The following SH3KBP1 variants were observed in gnomAD, a reference collection of about 807,000 sequenced individuals.
The protein encoded by SH3KBP1 is SH3 domain-containing kinase-binding protein 1.
Under a neutral mutation model 50.1 loss-of-function variants are expected in SH3KBP1, and 8 were observed. That is an observed-to-expected ratio of 0.16 (90% confidence interval 0.09 to 0.29). SH3KBP1 has a LOEUF of 0.29. SH3KBP1 is among the 10% of genes least tolerant of loss of function. The pLI is 1.00. For missense variants in SH3KBP1, 377 were observed against 535.2 expected (o/e 0.70, Z 2.92); for synonymous variants, 227 against 218.6 (o/e 1.04, Z -0.34).
At chrX:19,867,863 A>G (rs941029492) in intron 1 of SH3KBP1, among the ~76,000 whole-genome samples, 1 of 111,804 alleles carries the variant, frequency 8.9e-6, no homozygotes, top group African/African-American at 3.3e-5. Context: ...GATGAAAGAA[A>G]AAAAAATTGA....
At chrX:19,589,634 C>T (rs957147796) in intron 11 of SH3KBP1, among the ~76,000 whole-genome samples, 2 of 110,599 alleles carry the variant, frequency 1.8e-5, no homozygotes, top group Non-Finnish European at 3.8e-5. Context: ...ACTAGCCTTG[C>T]TCCGTGTGTG....
chrX:19,586,226 T>C (rs1602567052), intron 12 of SH3KBP1, among the ~76,000 whole-genome samples: 1 of 111,956 alleles, frequency 8.9e-6, no homozygotes, highest in African/African-American at 3.2e-5. Context: ...AGCCTGTACC[T>C]ATCCTATAAC....
At chrX:19,640,771 G>A (rs757835360) in intron 7 of SH3KBP1, among the ~76,000 whole-genome samples, 45 of 111,684 alleles carry the variant, frequency 4.0e-4, no homozygotes, top group Middle Eastern at 4.6e-3. Flanking sequence ...TTTCTGCGGG[G>A]CAGATGGAAA....
intron 6 of SH3KBP1, among the ~76,000 whole-genome samples, chrX:19,663,043 T>C (rs2062501741): frequency 9.0e-6 from 1 of 111,417 alleles, no homozygotes. Context: ...TTGTAAGTTA[T>C]CTTTTAAGAT....
In SH3KBP1 at chrX:19,672,512, T is replaced by C. The variant is rs757366314; in HGVS notation, c.726+11311A>G. On this transcript the variant is annotated intron_variant, in intron 6 of 17. Transcript: ENST00000397821. ...TGATGTAATGAGAGCACTTCACCTC[T>C]GTGGCCTTCCTCCCAAAAACCCACG... is the stretch of plus-strand genomic sequence containing the variant. 2.6e-4 allele frequency among the ~76,000 whole-genome samples: 29 copies of C among 112,383 alleles called. No individual in the cohort carries two copies. In the South Asian group the frequency reaches 0.01, roughly 39 times the overall value.
chrX:19,558,956 G>T (rs1402708427), intron 13 of SH3KBP1, among the ~76,000 whole-genome samples: 1 of 111,072 alleles, frequency 9.0e-6, no homozygotes, highest in African/African-American at 3.3e-5. Context: ...AAGAAAATTT[G>T]TTCACTTAAA....
intron 1 of SH3KBP1, among the ~76,000 whole-genome samples, chrX:19,882,531 C>G (rs2069467116): frequency 9.0e-6 from 1 of 111,369 alleles, no homozygotes; most frequent in Non-Finnish European, 1.9e-5. Flanking sequence ...ATTCTGGAAG[C>G]TGGAAAAGGC....
At position 19,535,051 on chromosome X, in the gene SH3KBP1, G is replaced by A; in HGVS notation, c.*1366C>T. The A allele has an allele frequency of 3.4e-6, 1 of 296,890 alleles. No individual in the cohort carries two copies. Among genetic ancestry groups the A allele is most frequent in the Non-Finnish European group, 5.9e-6 (1 of 170,189 alleles). The allele number at this position is 296,890 out of a possible 1,213,427, so 24.5% of individuals were successfully genotyped here. A position where few individuals can be genotyped will look rare whatever the true frequency, so the allele number is the denominator to read the frequency against. ...TGAGAAACACATCCAACATCTTCAG[G>A]GGCCATTAAGGGACCACCCCCTCCA... is the stretch of plus-strand genomic sequence containing the variant. On this transcript the variant is annotated 3_prime_UTR_variant, in exon 18 of 18. Transcript: ENST00000397821.
In SH3KBP1 at chrX:19,668,935, AATATATATAT is replaced by A. The variant is rs56844238; in HGVS notation, c.726+14878_726+14887del. On this transcript the variant is annotated intron_variant, in intron 6 of 17. Transcript: ENST00000397821. ...GTTCCTGAATGATAGGATTGAGGGT[AATATATATAT>A]ATATATATATATATATATATATATA... Among the ~76,000 whole-genome samples the A allele has an allele frequency of 8.1e-3, 267 of 32,873 alleles. 3 individuals carry two copies. The highest frequency in any genetic ancestry group is 0.015 in the Non-Finnish European group (236 of 16,179). 28.5% of individuals were successfully genotyped at this position (32,873 alleles called of 115,157 possible).
At chrX:19,860,390 C>T (rs944148868) in intron 1 of SH3KBP1, among the ~76,000 whole-genome samples, 2 of 108,676 alleles carry the variant, frequency 1.8e-5, no homozygotes, top group African/African-American at 6.7e-5. Context: ...TTGTATAATT[C>T]TACTTATATG....
At chrX:19,841,562 A>G (rs1427061040) in intron 1 of SH3KBP1, among the ~76,000 whole-genome samples, 1 of 112,010 alleles carries the variant, frequency 8.9e-6, no homozygotes. Context: ...TAAATTTTTA[A>G]TTTTAGTGTT....
chrX:19,543,380 G>C (rs772219663), intron 15 of SH3KBP1, among the ~76,000 whole-genome samples: 1 of 112,123 alleles, frequency 8.9e-6, no homozygotes, highest in South Asian at 3.7e-4. Flanking sequence ...GACTGGGAAA[G>C]AGGGGAGGAA....
At chrX:19,671,144 T>G in intron 6 of SH3KBP1, 1 of 463,389 alleles carries the variant, frequency 2.2e-6, no homozygotes, top group South Asian at 8.1e-5. Context: ...CCCCCAGGTG[T>G]GACCATTCGG....
At chrX:19,690,108 C>A (rs965418159) in intron 5 of SH3KBP1, among the ~76,000 whole-genome samples, 1 of 103,528 alleles carries the variant, frequency 9.7e-6, no homozygotes, top group African/African-American at 3.6e-5. Context: ...CGCCCAGGCT[C>A]GAGTGCAATG....
intron 2 of SH3KBP1, among the ~76,000 whole-genome samples, chrX:19,775,226 C>T (rs1038975257): frequency 1.2e-4 from 13 of 111,701 alleles, no homozygotes; most frequent in Non-Finnish European, 2.4e-4. Flanking sequence ...GTTCCATCAG[C>T]CTCACTGAGG....
intron 2 of SH3KBP1, among the ~76,000 whole-genome samples, chrX:19,766,994 G>A (rs1184635283): frequency 9.0e-6 from 1 of 111,368 alleles, no homozygotes; most frequent in African/African-American, 3.3e-5. Context: ...CCATTATTCT[G>A]CCTACCATAG....
intron 3 of SH3KBP1, among the ~76,000 whole-genome samples, chrX:19,741,948 T>C (rs767935689): frequency 1.8e-5 from 2 of 111,949 alleles, no homozygotes; most frequent in East Asian, 5.6e-4. Flanking sequence ...ACATCTTCTC[T>C]GCATGCACTG....
chrX:19,556,283 C>G (rs1203968909), intron 13 of SH3KBP1, among the ~76,000 whole-genome samples: 1 of 110,205 alleles, frequency 9.1e-6, no homozygotes, highest in Non-Finnish European at 1.9e-5. Flanking sequence ...AATCCCCCCT[C>G]CCCTACCTTT....
In SH3KBP1 at chrX:19,542,182, G is replaced by A; in HGVS notation, c.1635C>T (p.Asn545=). ...CCGGCTTGGGCGGCAGGGATGCTTT[G>A]TTGTCAGACACCTGTGACGAGGGAA... The part of the protein sequence containing the change: ...KTVTISQVSD[N]KASLPPKPGT... Residue 545 remains asparagine (N), a synonymous_variant, in exon 16 of 18, where the codon AAC becomes AAT. Coordinates refer to ENST00000397821, the MANE Select transcript of SH3KBP1 (RefSeq NM_031892.3). 1.7e-6 allele frequency: 2 copies of A among 1,178,992 alleles called. No homozygotes were observed. The highest frequency in any genetic ancestry group is 2.3e-6 in the Non-Finnish European group (2 of 878,793).
Sources: gnomAD v4.1 joint callset for allele counts (sites outside exome capture counted in the v4.1 genomes callset) on GRCh38, gnomAD v4.1.1 for gene constraint, MANE v1.5 for transcripts, NCBI Gene and HGNC (gene_info 2026-07-23, HGNC 2026-07-21) for gene names.